The following EYS variants were observed in gnomAD, a reference collection of about 807,000 sequenced individuals.
EYS encodes the protein protein eyes shut homolog.
Under a neutral mutation model 282.1 loss-of-function variants are expected in EYS, and 250 were observed. The ratio of observed to expected loss-of-function variants is 0.89; its 90% CI spans 0.80 to 0.98. The LOEUF is 0.98. Among genes scored for constraint, EYS ranks in the 50% least tolerant of loss-of-function variants. EYS has a pLI of 0.00. For missense variants in EYS, 4,016 were observed against 3,709.0 expected (o/e 1.08, Z -2.15); for synonymous variants, 1,355 against 1,282.9 (o/e 1.06, Z -1.20).
chr6:64,241,922 T>C (rs1766847011), intron 30 of EYS, among the ~76,000 whole-genome samples: 1 of 152,024 alleles, frequency 6.6e-6, no homozygotes, highest in South Asian at 2.1e-4. Context: ...TCTGCCTTCA[T>C]TTCGTTATTT....
In EYS at chr6:65,005,415, A is replaced by C. The variant is rs528382632; in HGVS notation, c.2138-7712T>G. Among the ~76,000 whole-genome samples, 2 of 147,708 alleles carry C rather than the reference A, an allele frequency of 1.4e-5. 1 individual carries two copies. Among genetic ancestry groups the C allele is most frequent in the South Asian group, 4.4e-4 (2 of 4,512 alleles). ...CGTGAGGCCAAGAGCCCCAGGTCAGAGAACACAAGGCTTGCCACCATCTTG... is the reference window on the plus strand; with the variant it reads ...CGTGAGGCCAAGAGCCCCAGGTCAGCGAACACAAGGCTTGCCACCATCTTG... On this transcript the variant is annotated intron_variant, in intron 13 of 42. Coordinates refer to ENST00000503581, the MANE Select transcript of EYS (RefSeq NM_001142800.2).
intron 12 of EYS, among the ~76,000 whole-genome samples, chr6:65,280,832 GC>G (rs1768196639): frequency 1.4e-5 from 2 of 148,060 alleles, no homozygotes; most frequent in African/African-American, 4.9e-5. Context: ...AGCCTGACCA[GC>G]AAAGTGAAAC....
Position 63,984,390 on chromosome 6 carries a change from A to T in EYS, c.7048T>A (p.Cys2350Ser), listed in dbSNP as rs935531910. The change falls in exon 35 of 43, where the codon TGC becomes AGC. Residue 2350 changes from cysteine (C) to serine (S), a missense_variant. Cys to Ser is a moderately radical substitution (Grantham distance 112). Transcript: ENST00000503581. Reference sequence around the variant, plus strand: ...CAGGAGACTAATACTGACCTGATGCAGGTGCCATTGTTGCGGCACAGATGA... The same window carrying T: ...CAGGAGACTAATACTGACCTGATGCTGGTGCCATTGTTGCGGCACAGATGA... ...AHHLCRNNGT[C>S]ISDNENLFCE... 6.5e-7 allele frequency: 1 copy of T among 1,546,046 alleles called. No individual in the cohort carries two copies.
chr6:64,243,782 C>A (rs185030194), intron 30 of EYS, among the ~76,000 whole-genome samples: 21 of 152,230 alleles, frequency 1.4e-4, no homozygotes, highest in Admixed American at 4.6e-4. Flanking sequence ...TCTTGGGGAT[C>A]TTTTATTTTC....
At chr6:65,353,905 C>T (rs188070517) in intron 8 of EYS, among the ~76,000 whole-genome samples, 18 of 152,060 alleles carry the variant, frequency 1.2e-4, no homozygotes, top group Middle Eastern at 6.8e-3. Context: ...ATACATCTTT[C>T]CCCTCACAAA....
At chr6:65,469,566 C>A (rs913134176) in intron 5 of EYS, among the ~76,000 whole-genome samples, 2 of 152,076 alleles carry the variant, frequency 1.3e-5, no homozygotes, top group African/African-American at 4.8e-5. Context: ...CTATGAGTCA[C>A]ATGAACTTCA....
chr6:65,429,992 T>C (rs1026743902), intron 5 of EYS, among the ~76,000 whole-genome samples: 3 of 152,166 alleles, frequency 2.0e-5, no homozygotes, highest in African/African-American at 7.2e-5. Context: ...ATAGTAGCAT[T>C]ATTATTCCCA....
At chr6:64,588,235 A>G (rs888084750) in intron 26 of EYS, among the ~76,000 whole-genome samples, 3 of 152,116 alleles carry the variant, frequency 2.0e-5, no homozygotes, top group Non-Finnish European at 4.4e-5. Context: ...GAGGAATTCC[A>G]TAAGAATTTT....
At chr6:65,271,490 C>G (rs1404907494) in intron 12 of EYS, among the ~76,000 whole-genome samples, 1 of 152,052 alleles carries the variant, frequency 6.6e-6, no homozygotes, top group African/African-American at 2.4e-5. Flanking sequence ...AAATGCTAAT[C>G]TCTTCCAGAA....
intron 7 of EYS, among the ~76,000 whole-genome samples, chr6:65,399,734 C>T (rs776350932): frequency 1.2e-4 from 18 of 151,876 alleles, no homozygotes; most frequent in South Asian, 2.1e-4. Context: ...TAACATAATC[C>T]TAACTCAAAC....
At chr6:63,957,545 CTGTT>C (rs1478449881) in intron 35 of EYS, among the ~76,000 whole-genome samples, 2 of 141,244 alleles carry the variant, frequency 1.4e-5, no homozygotes, top group African/African-American at 2.4e-5. Context: ...AGCTCAATAA[CTGTT>C]TGTTGACAGA....
At chr6:65,669,927 G>T (rs1333807158) in intron 1 of EYS, among the ~76,000 whole-genome samples, 1 of 151,900 alleles carries the variant, frequency 6.6e-6, no homozygotes, top group Non-Finnish European at 1.5e-5. Context: ...ATATACTTGT[G>T]ATAGCATTAA....
At chr6:64,648,206 G>T (rs1195516141) in intron 22 of EYS, among the ~76,000 whole-genome samples, 6 of 152,260 alleles carry the variant, frequency 3.9e-5, no homozygotes, top group South Asian at 4.2e-4. Flanking sequence ...AAAACTAGGG[G>T]CAGAAACAGC....
At chr6:63,896,165 C>T (rs528982535) in intron 35 of EYS, among the ~76,000 whole-genome samples, 1 of 152,146 alleles carries the variant, frequency 6.6e-6, no homozygotes, top group Non-Finnish European at 1.5e-5. Context: ...ATAACTCCAA[C>T]CATCTCCTGT....
At position 64,256,558 on chromosome 6, in the gene EYS, G is replaced by A. The variant is rs911961671; in HGVS notation, c.6192-25734C>T. Among the ~76,000 whole-genome samples the A allele has an allele frequency of 2.8e-4, 42 of 152,044 alleles. 1 individual carries two copies. The highest frequency in any genetic ancestry group is 3.4e-3 in the Middle Eastern group (1 of 294). ...GTTTTCTTTTTATTGCTAAGCTGCAGTGAAAAAAAGACAAAGGAGCAGAAG... is the reference window on the plus strand; with the variant it reads ...GTTTTCTTTTTATTGCTAAGCTGCAATGAAAAAAAGACAAAGGAGCAGAAG... On this transcript the variant is annotated intron_variant, in intron 30 of 42. Coordinates refer to ENST00000503581, the MANE Select transcript of EYS (RefSeq NM_001142800.2).
chr6:65,284,728 G>A lies in EYS; in HGVS notation c.2023+11135C>T, dbSNP rs575311016. 5.3e-5 allele frequency among the ~76,000 whole-genome samples: 8 copies of A among 152,130 alleles called. No individual in the cohort carries two copies. In the East Asian group the frequency reaches 1.5e-3, roughly 29 times the overall value. On this transcript the variant is annotated intron_variant, in intron 12 of 42. Coordinates refer to ENST00000503581, the MANE Select transcript of EYS (RefSeq NM_001142800.2). ...CTTATGCCAAGGTAAATACAAGTAT[G>A]GAAGAATAAACAGGTTGTTAACAGA...
intron 33 of EYS, among the ~76,000 whole-genome samples, chr6:64,020,889 G>A (rs1272407446): frequency 5.3e-5 from 8 of 152,114 alleles, no homozygotes; most frequent in Admixed American, 5.2e-4. Flanking sequence ...TGGTGCCATA[G>A]ACAGATGGAG....
intron 18 of EYS, among the ~76,000 whole-genome samples, chr6:64,898,950 A>G (rs914151880): frequency 6.6e-6 from 1 of 151,836 alleles, no homozygotes; most frequent in South Asian, 2.1e-4. Context: ...CACCCAGATT[A>G]ATAAAGCAAG....
intron 22 of EYS, among the ~76,000 whole-genome samples, chr6:64,652,695 A>T (rs1768605860): frequency 6.6e-6 from 1 of 152,210 alleles, no homozygotes; most frequent in Non-Finnish European, 1.5e-5. Context: ...ATGCAGCAAT[A>T]TGAAACTAAT....
Sources: allele counts gnomAD v4.1 joint callset (sites outside exome capture counted in the v4.1 genomes callset), GRCh38; gene constraint gnomAD v4.1.1; transcripts MANE v1.5; gene names NCBI Gene and HGNC (gene_info 2026-07-23, HGNC 2026-07-21).